The following SON variants were observed in gnomAD, a reference collection of about 807,000 sequenced individuals.
The protein encoded by SON is protein SON.
A neutral mutation model predicts 173.3 loss-of-function variants in SON; 4 were observed. That is an observed-to-expected ratio of 0.02 (90% CI 0.01 to 0.05). SON has a LOEUF of 0.05. SON is among the 10% of genes least tolerant of loss of function. The pLI, the probability that SON is intolerant of heterozygous loss-of-function variation, is 1.00. For synonymous variants in SON, 1,190 were observed against 1,105.9 expected, an observed-to-expected ratio of 1.08 and a Z score of -1.51; for missense variants, 2,626 against 3,055.3, an observed-to-expected ratio of 0.86 and a Z score of 3.31.
rs778749872 is a variant in SON, at chr21:33,549,707, A to C, written c.476A>C (p.Asp159Ala). The C allele has an allele frequency of 3.0e-5, 48 of 1,612,876 alleles. No individual in the cohort carries two copies. Among genetic ancestry groups the C allele is most frequent in the Non-Finnish European group, 3.8e-5 (45 of 1,179,720 alleles). The change falls in exon 3 of 12, where the codon GAT (aspartate) becomes GCT (alanine). Residue 159 changes from aspartate (D) to alanine (A), a missense_variant. Around this residue, in one of 13 missense-constraint regions of SON, gnomAD observed 757 missense variants for 730.1 expected, o/e 1.04. Transcript: ENST00000356577. The part of the protein sequence containing the change: ...DLESDSFLKF[D>A]SEPSAVALEL... ...GAATCTGATTCCTTTTTAAAGTTTG[A>C]TTCTGAACCTTCAGCTGTGGCGCTG...
At chr21:33,571,795 A>C (rs754203878) in intron 8 of SON, 6 of 152,668 alleles carry the variant, frequency 3.9e-5, no homozygotes, top group Non-Finnish European at 7.3e-5. Context: ...GGAAGTAAGT[A>C]AAAGACATTC....
At position 33,575,582 on chromosome 21, in the gene SON, A is replaced by AT. The variant is rs759968061; in HGVS notation, c.7034-5dup. 179 of 1,580,364 alleles carry AT rather than the reference A, an allele frequency of 1.1e-4. 1 individual carries two copies. Among genetic ancestry groups the AT allele is most frequent in the South Asian group, 4.7e-4 (41 of 87,446 alleles). On this transcript the variant is annotated splice_polypyrimidine_tract_variant and intron_variant, in intron 9 of 11. Transcript: ENST00000356577. The stretch of plus-strand genomic sequence containing the variant: ...TGCTTTGAAATTTATTTAGTGAACA[A>AT]TTTTTTTTTAAAGGTCTTGTTGCAG...
intron 1 of SON, chr21:33,543,627 T>C: frequency 4.8e-6 from 1 of 206,488 alleles, no homozygotes; most frequent in South Asian, 6.5e-5. Context: ...AAATCCTCTT[T>C]ATTATTGCGA....
At chr21:33,570,802 T>C (rs1291845465) in intron 8 of SON, among the ~76,000 whole-genome samples, 3 of 152,228 alleles carry the variant, frequency 2.0e-5, no homozygotes, top group Admixed American at 6.5e-5. Context: ...CAGAGTCATG[T>C]ACACTGCTAG....
chr21:33,576,110 C>T (rs2086394455), intron 11 of SON, among the ~76,000 whole-genome samples: 1 of 152,046 alleles, frequency 6.6e-6, no homozygotes, highest in Non-Finnish European at 1.5e-5. Context: ...ATATAGTATA[C>T]AATTGTTATT....
intron 8 of SON, 77 bp from the exon 9 acceptor site, chr21:33,573,231 T>A (rs904193614): frequency 1.6e-6 from 2 of 1,247,820 alleles, no homozygotes; most frequent in African/African-American, 3.0e-5. Context: ...ATTCCTCTTT[T>A]TAGAAAGTAA....
Position 33,550,131 on chromosome 21 carries a change from A to G in SON, c.900A>G (p.Leu300=), listed in dbSNP as rs770204581. 6.2e-7 allele frequency: 1 copy of G among 1,614,202 alleles called. No homozygotes were observed. ...MLVEPPVAKV[L]EPSETLVVSS... is the part of the protein sequence containing the mutation. ...TAGAGCCCCCAGTAGCAAAAGTGTT[A>G]GAGCCTTCAGAAACCCTTGTGGTAT... The change falls in exon 3 of 12, where the codon TTA becomes TTG. Residue 300 remains leucine, a synonymous_variant. Transcript: ENST00000356577.
intron 9 of SON, among the ~76,000 whole-genome samples, chr21:33,574,930 A>G (rs1310640937): frequency 1.3e-5 from 2 of 152,206 alleles, no homozygotes; most frequent in Non-Finnish European, 1.5e-5. Flanking sequence ...TTTGGAGACA[A>G]CCGTTTTCAC....
In SON at chr21:33,552,596, G is replaced by A. The variant is rs752556728; in HGVS notation, c.3365G>A (p.Arg1122His). 11 of 1,613,936 alleles carry A rather than the reference G, an allele frequency of 6.8e-6. No individual in the cohort carries two copies. The highest frequency in any genetic ancestry group is 1.1e-5 in the South Asian group (1 of 91,074). Residue 1122 changes from arginine (R) to histidine (H), a missense_variant, in exon 3 of 12, where the codon CGT becomes CAT. Transcript: ENST00000356577. This position sits in a 1 kb window ranked among gnomAD's most constrained non-coding sequence, Gnocchi z 5.6. ...ATGATGTCATCTTATACTGCTGATCGTTCAATGATGTCTATGGCTGCTGAT... is the reference window on the plus strand; with the variant it reads ...ATGATGTCATCTTATACTGCTGATCATTCAATGATGTCTATGGCTGCTGAT... ...RSMMSSYTAD[R>H]SMMSMAADSY...
chr21:33,549,287 C>G (rs2085697067), intron 2 of SON, among the ~76,000 whole-genome samples, 189 bp from the exon 3 acceptor site: 1 of 152,088 alleles, frequency 6.6e-6, no homozygotes, highest in Non-Finnish European at 1.5e-5. Flanking sequence ...GCTGGCCAGG[C>G]TGGTTTTGAA....
intron 6 of SON, among the ~76,000 whole-genome samples, chr21:33,564,978 A>G (rs574071393): frequency 6.6e-6 from 1 of 152,228 alleles, no homozygotes; most frequent in East Asian, 1.9e-4. Flanking sequence ...AAGTTTTACT[A>G]CCTCAGGAAA....
In SON at chr21:33,554,499, A is replaced by G; in HGVS notation, c.5268A>G (p.Leu1756=). The change falls in exon 3 of 12, where the codon TTA becomes TTG. Residue 1756 remains leucine (L), a synonymous_variant. Coordinates refer to ENST00000356577, the MANE Select transcript of SON (RefSeq NM_138927.4). ...TSLRAGIEGP[L]LASDVGRDRS... is the part of the protein sequence containing the mutation. ...TTAGAGCTGGCATTGAAGGACCTTT[A>G]CTTGCAAGTGATGTTGGACGTGACA... The G allele has an allele frequency of 1.9e-6, 3 of 1,614,164 alleles. No individual in the cohort carries two copies. The highest frequency in any genetic ancestry group is 2.5e-6 in the Non-Finnish European group (3 of 1,180,026).
chr21:33,552,998 A>T lies in SON; in HGVS notation c.3767A>T (p.Glu1256Val), dbSNP rs147302393. ...VTVPEPPPEP[E>V]SSITLTPVES... The stretch of plus-strand genomic sequence containing the variant: ...GTTCCAGAACCACCACCAGAGCCAG[A>T]ATCTTCAATTACGTTAACACCTGTA... Residue 1256 changes from glutamate to valine, a missense_variant, in exon 3 of 12, where the codon GAA (glutamate) becomes GTA (valine). This residue lies in a region of SON where 1,006 missense variants were observed against 895.6 expected (regional missense o/e 1.12). Transcript: ENST00000356577. This position sits in a 1 kb window ranked among gnomAD's most constrained non-coding sequence, Gnocchi z 5.6. 11 of 1,610,374 alleles carry T rather than the reference A, an allele frequency of 6.8e-6. No individual in the cohort carries two copies. The highest frequency in any genetic ancestry group is 9.3e-6 in the Non-Finnish European group (11 of 1,176,596).
chr21:33,551,913 G>C lies in SON; in HGVS notation c.2682G>C (p.Gln894His), dbSNP rs773962528. Residue 894 changes from glutamine to histidine, a missense_variant, in exon 3 of 12, where the codon CAG (glutamine) becomes CAC (histidine). Gln to His is a conservative substitution (Grantham distance 24). Transcript: ENST00000356577. ...TAGCGTCTGGTACCATGGATGCCCA[G>C]ATGTTAGCGTCTAGTACCCAAGATT... ...QMLASGTMDA[Q>H]MLASSTQDSA... 4 of 1,614,094 alleles carry C rather than the reference G, an allele frequency of 2.5e-6. No individual in the cohort carries two copies. The highest frequency in any genetic ancestry group is 2.5e-6 in the Non-Finnish European group (3 of 1,179,988).
Position 33,551,802 on chromosome 21 carries a change from A to G in SON, c.2571A>G (p.Ala857=), listed in dbSNP as rs772310366. The G allele has an allele frequency of 6.2e-7, 1 of 1,613,548 alleles. No homozygotes were observed. ...ATSTMDSQML[A]TSSMDSQMLA... is the part of the protein sequence containing the mutation. ...GCACCATGGACTCCCAGATGTTAGC[A>G]ACTAGCTCAATGGATTCCCAGATGT... The change falls in exon 3 of 12, where the codon GCA becomes GCG. Residue 857 remains alanine (A), a synonymous_variant. Coordinates refer to ENST00000356577, the MANE Select transcript of SON (RefSeq NM_138927.4).
rs1267525549 is a variant in SON at position 33,553,334 on chromosome 21, T to C, written c.4103T>C (p.Leu1368Pro). ...AVLESSAVTVLESSTVTVLES... is the reference protein window; with the variant it reads ...AVLESSAVTVPESSTVTVLES... ...CTGGAGTCTTCGGCTGTGACCGTCC[T>C]GGAGTCTTCGACTGTGACTGTCCTG... Residue 1368 changes from leucine to proline, a missense_variant, in exon 3 of 12, where the codon CTG (leucine) becomes CCG (proline). Physicochemically the swap from Leu to Pro is moderately conservative, Grantham distance 98 (BLOSUM62 -3). This residue lies in a region of SON where 1,006 missense variants were observed against 895.6 expected (regional missense o/e 1.12). Coordinates refer to ENST00000356577, the MANE Select transcript of SON (RefSeq NM_138927.4). 6.3e-7 allele frequency: 1 copy of C among 1,586,184 alleles called. No homozygotes were observed. The highest frequency in any genetic ancestry group is 8.6e-7 in the Non-Finnish European group (1 of 1,157,530).
chr21:33,551,044 G>C lies in SON; in HGVS notation c.1813G>C (p.Ala605Pro). Residue 605 changes from alanine to proline, a missense_variant, in exon 3 of 12, where the codon GCA becomes CCA. By Grantham distance (27) the Ala-to-Pro change is conservative. Coordinates refer to ENST00000356577, the MANE Select transcript of SON (RefSeq NM_138927.4). The stretch of plus-strand genomic sequence containing the variant: ...GCCTGGGCCGCTCATGGCAGCTGGG[G>C]CACTGGAGTTCTCGGGGCAGTCTGG... ...ELPGPLMAAG[A>P]LEFSGQSGAA... The C allele has an allele frequency of 6.2e-7, 1 of 1,611,926 alleles. No individual in the cohort carries two copies. Among genetic ancestry groups the C allele is most frequent in the African/African-American group, 1.3e-5 (1 of 74,840 alleles).
At chr21:33,543,296 T>C in intron 1 of SON, 127 bp downstream of exon 1, 5 of 856,446 alleles carry the variant, frequency 5.8e-6, no homozygotes, top group Non-Finnish European at 9.5e-6. Flanking sequence ...CGCCTGGGCC[T>C]GGGATCCATT....
chr21:33,554,449 A>G lies in SON; in HGVS notation c.5218A>G (p.Lys1740Glu), dbSNP rs2085908857. The change falls in exon 3 of 12, where the codon AAG becomes GAG. Residue 1740 changes from lysine to glutamate, a missense_variant. Lys to Glu is a moderately conservative substitution (Grantham distance 56). Transcript: ENST00000356577. ...EADLVRPLLP[K>E]DMERLTSLRA... ...AGATTTAGTGAGACCGTTACTTCCT[A>G]AGGACATGGAACGTCTTACAAGCCT... 1 of 1,614,086 alleles carries G rather than the reference A, an allele frequency of 6.2e-7. No individual in the cohort carries two copies. Among genetic ancestry groups the G allele is most frequent in the Non-Finnish European group, 8.5e-7 (1 of 1,180,028 alleles).
Sources: gnomAD v4.1 joint callset for allele counts (sites outside exome capture counted in the v4.1 genomes callset) on GRCh38, gnomAD v4.1.1 for gene constraint, gnomAD v4.1.1 regional missense constraint, Gnocchi (gnomAD v3.1) non-coding constraint, MANE v1.5 for transcripts, NCBI Gene and HGNC (gene_info 2026-07-23, HGNC 2026-07-21) for gene names.